The following RTL4 variants were observed in gnomAD, a reference collection of about 807,000 sequenced individuals.
RTL4 encodes retrotransposon Gag-like protein 4.
A neutral mutation model predicts 5.3 loss-of-function variants in RTL4; 4 were observed. That is an observed-to-expected ratio of 0.75 (90% confidence interval 0.37 to 1.72). The LOEUF is 1.72. RTL4 is among the 40% of genes most tolerant of loss of function. The pLI, the probability that RTL4 is intolerant of heterozygous loss-of-function variation, is 0.04. For synonymous variants in RTL4, 98 were observed against 87.3 expected, an observed-to-expected ratio of 1.12 and a Z score of -0.68; for missense variants, 260 against 227.1, an observed-to-expected ratio of 1.14 and a Z score of -0.93.
At chrX:112,292,616 C>T in the RTL4 span, among the ~76,000 whole-genome samples, 1 of 111,617 alleles carries the variant, frequency 9.0e-6, no homozygotes. Flanking sequence ...AATATAGGAT[C>T]TGATTTGTAA....
the RTL4 span, among the ~76,000 whole-genome samples, chrX:112,162,588 T>C: frequency 9.0e-6 from 1 of 111,666 alleles, no homozygotes; most frequent in Admixed American, 9.5e-5. Context: ...CCCAATTAAA[T>C]GGAAATAATT....
At chrX:112,211,707 A>G in the RTL4 span, among the ~76,000 whole-genome samples, 2 of 111,626 alleles carry the variant, frequency 1.8e-5, no homozygotes, top group Non-Finnish European at 3.8e-5. Context: ...TCTTACCTAG[A>G]TGTTAGTTCC....
At chrX:112,309,066 C>G in the RTL4 span, among the ~76,000 whole-genome samples, 1 of 111,504 alleles carries the variant, frequency 9.0e-6, no homozygotes, top group Non-Finnish European at 1.9e-5. Context: ...AGTATTTAAA[C>G]CATTGTTTAT....
At chrX:112,393,147 C>CTTTTTTTTTTTTGTTTTTTTTTTT in the RTL4 span, among the ~76,000 whole-genome samples, 4 of 81,485 alleles carry the variant, frequency 4.9e-5, no homozygotes, top group Non-Finnish European at 9.3e-5. Flanking sequence ...TTCTTTCTTT[C>CTTTTTTTTTTTTGTTTTTTTTTTT]TTTTTTTTTT....
At chrX:112,250,703 G>A in the RTL4 span, among the ~76,000 whole-genome samples, 2 of 112,171 alleles carry the variant, frequency 1.8e-5, no homozygotes, top group Non-Finnish European at 3.8e-5. Context: ...ATGGCAAAAC[G>A]TATTTAACGT....
chrX:112,250,532 G>A, the RTL4 span, among the ~76,000 whole-genome samples: 1 of 111,409 alleles, frequency 9.0e-6, no homozygotes, highest in Admixed American at 9.5e-5. Context: ...GTGTACACAG[G>A]GCAGAGGTTG....
At chrX:112,293,857 T>G in the RTL4 span, among the ~76,000 whole-genome samples, 24 of 111,702 alleles carry the variant, frequency 2.1e-4, no homozygotes, top group African/African-American at 7.5e-4. Flanking sequence ...TCTACCAGCT[T>G]GAGCAGTTTG....
the RTL4 span, chrX:112,320,412 G>T: frequency 9.0e-6 from 1 of 110,793 alleles, no homozygotes; most frequent in Non-Finnish European, 1.9e-5. Flanking sequence ...GTTTCTCGGT[G>T]AACATAATAC....
the RTL4 span, among the ~76,000 whole-genome samples, chrX:112,287,159 G>C: frequency 1.8e-5 from 2 of 111,770 alleles, no homozygotes; most frequent in East Asian, 5.6e-4. Context: ...AGTGTGTGAT[G>C]AATGAATACA....
upstream of RTL4, among the ~76,000 whole-genome samples, chrX:112,452,626 C>T (rs1037190425): frequency 5.4e-5 from 6 of 111,357 alleles, no homozygotes; most frequent in Non-Finnish European, 7.5e-5. Flanking sequence ...GCCTCTCCAC[C>T]GGGCATTTTT....
At chrX:112,265,827 T>C in the RTL4 span, among the ~76,000 whole-genome samples, 2 of 107,837 alleles carry the variant, frequency 1.9e-5, no homozygotes, top group Non-Finnish European at 3.8e-5. Flanking sequence ...ACCTTAACCA[T>C]TCTCTTGGCC....
At chrX:112,175,730 C>CA in the RTL4 span, among the ~76,000 whole-genome samples, 1 of 110,589 alleles carries the variant, frequency 9.0e-6, no homozygotes, top group African/African-American at 3.3e-5. Context: ...GGAAGTATCT[C>CA]AAAAAAATAA....
the RTL4 span, among the ~76,000 whole-genome samples, chrX:112,436,768 A>C: frequency 9.0e-6 from 1 of 110,575 alleles, no homozygotes; most frequent in African/African-American, 3.3e-5. Flanking sequence ...GTTGTTCACC[A>C]TAACTTTCAG....
At chrX:112,407,100 A>ACTT in the RTL4 span, among the ~76,000 whole-genome samples, 8 of 109,564 alleles carry the variant, frequency 7.3e-5, no homozygotes, top group South Asian at 1.2e-3. Flanking sequence ...ATGAGGCAAG[A>ACTT]CTTCTGCTTG....
the RTL4 span, among the ~76,000 whole-genome samples, chrX:112,119,026 T>TTG: frequency 1.9e-5 from 2 of 106,871 alleles, no homozygotes; most frequent in African/African-American, 3.4e-5. Flanking sequence ...TTTTTTTTTT[T>TTG]TTTGTATTTT....
the RTL4 span, among the ~76,000 whole-genome samples, chrX:112,261,151 T>C: frequency 9.0e-6 from 1 of 111,659 alleles, no homozygotes; most frequent in Non-Finnish European, 1.9e-5. Context: ...GCAGACTAGT[T>C]GAAAGATGAT....
At chrX:112,290,254 G>A in the RTL4 span, among the ~76,000 whole-genome samples, 1 of 112,091 alleles carries the variant, frequency 8.9e-6, no homozygotes. Context: ...TTTATAAACC[G>A]GGGCTATATT....
chrX:112,128,345 C>A, the RTL4 span, among the ~76,000 whole-genome samples: 1 of 111,171 alleles, frequency 9.0e-6, no homozygotes, highest in African/African-American at 3.3e-5. Context: ...GAAATGCTGG[C>A]GTGACTGGAT....
chrX:112,345,612 C>A, the RTL4 span, among the ~76,000 whole-genome samples: 51 of 111,509 alleles, frequency 4.6e-4, 1 homozygote, highest in Non-Finnish European at 1.7e-4. Context: ...TGCTTGACCT[C>A]CAACTAATCT....
Sources: gnomAD v4.1 joint callset for allele counts (sites outside exome capture counted in the v4.1 genomes callset) on GRCh38, gnomAD v4.1.1 for gene constraint, MANE v1.5 for transcripts, NCBI Gene and HGNC (gene_info 2026-07-23, HGNC 2026-07-21) for gene names.